Variants in FUT8 observed in about 807,000 individuals in gnomAD.
FUT8 encodes fucosyltransferase 8, also known as alpha-(1,6)-fucosyltransferase.
Under a neutral mutation model 71.3 loss-of-function variants are expected in FUT8, and 29 were observed. The ratio of observed to expected loss-of-function variants is 0.41; its 90% confidence interval spans 0.30 to 0.55. FUT8 has a LOEUF of 0.55. Among genes scored for constraint, FUT8 ranks in the 20% least tolerant of loss-of-function variants. The pLI, the probability that FUT8 is intolerant of heterozygous loss-of-function variation, is 0.34. For synonymous variants in FUT8, 254 were observed against 239.3 expected, an observed-to-expected ratio of 1.06 and a Z score of -0.57; for missense variants, 544 against 702.1, an observed-to-expected ratio of 0.77 and a Z score of 2.55.
chr14:65,376,102 A>T, the FUT8 span, among the ~76,000 whole-genome samples: 10 of 151,614 alleles, frequency 6.6e-5, no homozygotes, highest in African/African-American at 2.4e-4. Context: ...AAAAAAAAAA[A>T]ATAATAAAAT....
chr14:65,677,151 T>TGTGCGCGCGCGCGCGC, intron 7 of FUT8, among the ~76,000 whole-genome samples: 5 of 110,702 alleles, frequency 4.5e-5, no homozygotes, highest in Non-Finnish European at 7.2e-5. Context: ...TGTGTGTGTG[T>TGTGCGCGCGCGCGCGC]GCGCGCGCGC....
chr14:65,658,734 C>T (rs1015661380), intron 6 of FUT8, among the ~76,000 whole-genome samples: 1 of 151,944 alleles, frequency 6.6e-6, no homozygotes, highest in Non-Finnish European at 1.5e-5. Flanking sequence ...AGCAGTTCAG[C>T]GGGTTCCAGA....
chr14:65,528,425 C>G (rs1357552204), intron 2 of FUT8, among the ~76,000 whole-genome samples: 1 of 152,126 alleles, frequency 6.6e-6, no homozygotes, highest in African/African-American at 2.4e-5. Context: ...TGGGAGTGAC[C>G]CGATTTTCCA....
At chr14:65,442,505 A>G (rs1156304924) in intron 1 of FUT8, among the ~76,000 whole-genome samples, 1 of 144,652 alleles carries the variant, frequency 6.9e-6, no homozygotes, top group Admixed American at 7.1e-5. Context: ...CATTTGAGGT[A>G]CTGACCATCA....
intron 3 of FUT8, among the ~76,000 whole-genome samples, chr14:65,611,043 A>C (rs987133102): frequency 6.6e-6 from 1 of 151,534 alleles, no homozygotes; most frequent in African/African-American, 2.4e-5. Flanking sequence ...TAGTCCCTCT[A>C]GGTTTTTTTG....
intron 1 of FUT8, among the ~76,000 whole-genome samples, chr14:65,445,023 G>A (rs1002350475): frequency 6.6e-6 from 1 of 152,088 alleles, no homozygotes; most frequent in African/African-American, 2.4e-5. Flanking sequence ...GGCCAAGATG[G>A]TGAAACCCTG....
intron 2 of FUT8, among the ~76,000 whole-genome samples, chr14:65,510,553 G>T (rs1269164815): frequency 2.0e-5 from 3 of 152,014 alleles, no homozygotes; most frequent in Non-Finnish European, 4.4e-5. Flanking sequence ...TAACCATTGG[G>T]TCATGGCTTT....
chr14:65,365,713 A>T, the FUT8 span, among the ~76,000 whole-genome samples: 321 of 152,318 alleles, frequency 2.1e-3, 1 homozygote, highest in African/African-American at 7.4e-3. Context: ...AGGGTCTGAA[A>T]AGGGGAGGTA....
chr14:65,510,741 T>A (rs1043957754), intron 2 of FUT8, among the ~76,000 whole-genome samples: 5 of 152,156 alleles, frequency 3.3e-5, no homozygotes, highest in Non-Finnish European at 7.4e-5. Context: ...CCACTAATGA[T>A]TCTTCGGATT....
intron 3 of FUT8, among the ~76,000 whole-genome samples, chr14:65,609,803 A>ATCTTTT (rs1451429426): frequency 1.3e-5 from 2 of 151,776 alleles, no homozygotes; most frequent in Non-Finnish European, 2.9e-5. Flanking sequence ...TTTTAGTTTT[A>ATCTTTT]TCTTTTTCTG....
chr14:65,693,329 A>G (rs1319737258), intron 7 of FUT8, among the ~76,000 whole-genome samples: 2 of 152,164 alleles, frequency 1.3e-5, no homozygotes, highest in Non-Finnish European at 2.9e-5. Flanking sequence ...ACACAGCGAA[A>G]CCCCGTCTCC....
chr14:65,442,194 T>G (rs1013548869), intron 1 of FUT8, among the ~76,000 whole-genome samples: 187 of 151,210 alleles, frequency 1.2e-3, no homozygotes, highest in Non-Finnish European at 1.9e-3. Context: ...TTTTTTTTTT[T>G]GAGGCTGAGT....
intron 6 of FUT8, among the ~76,000 whole-genome samples, chr14:65,634,675 G>T (rs1477883546): frequency 6.6e-6 from 1 of 150,844 alleles, no homozygotes; most frequent in African/African-American, 2.4e-5. Flanking sequence ...TCTCTATTCT[G>T]TTGCATTGGT....
At chr14:65,496,457 C>T (rs12147814) in intron 2 of FUT8, among the ~76,000 whole-genome samples, 1,831 of 152,204 alleles carry the variant, frequency 0.012, 15 homozygotes, top group Middle Eastern at 0.024. Context: ...ATAATCCCCA[C>T]GTGTCAAGGG....
chr14:65,525,470 C>T (rs942420970), intron 2 of FUT8, among the ~76,000 whole-genome samples: 1 of 152,112 alleles, frequency 6.6e-6, no homozygotes, highest in African/African-American at 2.4e-5. Flanking sequence ...CTTTATTAGT[C>T]TTGCTAGTGG....
chr14:65,613,453 T>C (rs1004931368), intron 3 of FUT8, among the ~76,000 whole-genome samples: 1 of 152,178 alleles, frequency 6.6e-6, no homozygotes, highest in African/African-American at 2.4e-5. Flanking sequence ...TACCAGGACA[T>C]GCCTCATTTG....
intron 3 of FUT8, among the ~76,000 whole-genome samples, chr14:65,593,317 A>T (rs997494626): frequency 6.6e-6 from 1 of 152,246 alleles, no homozygotes; most frequent in Non-Finnish European, 1.5e-5. Context: ...ACTTAAATGA[A>T]TATTAAAGTT....
the FUT8 span, among the ~76,000 whole-genome samples, chr14:65,375,815 G>C: frequency 7.0e-6 from 1 of 143,714 alleles, no homozygotes; most frequent in South Asian, 2.2e-4. Flanking sequence ...CTGTGGCTGG[G>C]TGCAGTGGCT....
At chr14:65,609,294 CAA>C (rs746431421) in intron 3 of FUT8, among the ~76,000 whole-genome samples, 5 of 115,874 alleles carry the variant, frequency 4.3e-5, no homozygotes, top group Admixed American at 8.9e-5. Context: ...GACTCTGTCT[CAA>C]AAAAAAAAAA....
Sources: allele counts gnomAD v4.1 joint callset (sites outside exome capture counted in the v4.1 genomes callset), GRCh38; gene constraint gnomAD v4.1.1; transcripts MANE v1.5; gene names NCBI Gene and HGNC (gene_info 2026-07-23, HGNC 2026-07-21).